Variants in CNTN6 observed in about 807,000 individuals in gnomAD.
CNTN6 encodes contactin-6.
Under a neutral mutation model 122.8 loss-of-function variants are expected in CNTN6, and 137 were observed. The observed-to-expected ratio is 1.12, with a 90% CI of 0.97 to 1.29. The LOEUF (loss-of-function observed/expected upper bound fraction) is 1.29. CNTN6 is among the 50% of genes most tolerant of loss of function. CNTN6 has a pLI of 0.00. For synonymous variants in CNTN6, 570 were observed against 426.0 expected (o/e 1.34, Z -4.16); for missense variants, 1,634 against 1,223.4 (o/e 1.34, Z -5.01).
At chr3:1,157,738 A>C (rs956628913) in intron 2 of CNTN6, among the ~76,000 whole-genome samples, 1 of 152,218 alleles carries the variant, frequency 6.6e-6, no homozygotes, top group African/African-American at 2.4e-5. Context: ...TCCCATAAGT[A>C]AGTGAGAACA....
At chr3:1,339,154 G>A (rs200387719) in intron 11 of CNTN6, among the ~76,000 whole-genome samples, 1 of 151,206 alleles carries the variant, frequency 6.6e-6, no homozygotes, top group East Asian at 2.0e-4. Context: ...TGAAATGTAT[G>A]CAAGAAAACC....
At position 1,326,478 on chromosome 3, in the gene CNTN6, A is replaced by G. The variant is rs148627855; in HGVS notation, c.1083+527A>G. On this transcript the variant is annotated intron_variant, in intron 9 of 22. Transcript: ENST00000446702. Reference sequence around the variant, plus strand: ...TATTTTGGTCTGATATCAGGACCCAATCTCTTAGTCACTACCCAGTATTTT... The same window carrying G: ...TATTTTGGTCTGATATCAGGACCCAGTCTCTTAGTCACTACCCAGTATTTT... Among the ~76,000 whole-genome samples, 392 of 151,914 alleles carry G rather than the reference A, an allele frequency of 2.6e-3. 7 individuals are homozygous for G. Among genetic ancestry groups the G allele is most frequent in the African/African-American group, 9.2e-3 (382 of 41,494 alleles).
intron 4 of CNTN6, among the ~76,000 whole-genome samples, chr3:1,269,798 T>C (rs2094991761): frequency 6.6e-6 from 1 of 150,994 alleles, no homozygotes; most frequent in Non-Finnish European, 1.5e-5. Context: ...TATTTTTTCA[T>C]AAAAAAAAAT....
At chr3:1,148,507 T>C (rs1282082735) in intron 2 of CNTN6, among the ~76,000 whole-genome samples, 2 of 152,086 alleles carry the variant, frequency 1.3e-5, no homozygotes, top group East Asian at 1.9e-4. Context: ...ATCAAAGCTA[T>C]ATTCATTTAG....
At chr3:1,151,931 A>G (rs532470354) in intron 2 of CNTN6, among the ~76,000 whole-genome samples, 1 of 152,342 alleles carries the variant, frequency 6.6e-6, no homozygotes, top group South Asian at 2.1e-4. Flanking sequence ...GGTTTAATAT[A>G]GACTAAGAAC....
At chr3:1,190,372 G>A (rs1010981793) in intron 2 of CNTN6, among the ~76,000 whole-genome samples, 2 of 152,292 alleles carry the variant, frequency 1.3e-5, no homozygotes, top group Non-Finnish European at 2.9e-5. Context: ...TATAACGTTA[G>A]TCACATGCAC....
intron 7 of CNTN6, among the ~76,000 whole-genome samples, chr3:1,320,187 A>AT (rs992635281): frequency 2.0e-5 from 3 of 151,690 alleles, no homozygotes; most frequent in African/African-American, 7.3e-5. Flanking sequence ...GATAATAATT[A>AT]TTTTTTACTT....
chr3:1,323,075 A>G (rs1311028775), intron 8 of CNTN6, among the ~76,000 whole-genome samples: 1 of 151,774 alleles, frequency 6.6e-6, no homozygotes, highest in African/African-American at 2.4e-5. Context: ...ACACAAAGGT[A>G]TCTGTAAACT....
At chr3:1,131,648 T>C (rs2092339282) in intron 1 of CNTN6, among the ~76,000 whole-genome samples, 1 of 152,138 alleles carries the variant, frequency 6.6e-6, no homozygotes, top group East Asian at 1.9e-4. Flanking sequence ...CCTCCAGGGA[T>C]AGAGCTGAGA....
intron 4 of CNTN6, among the ~76,000 whole-genome samples, chr3:1,235,160 T>C (rs2094405313): frequency 6.6e-6 from 1 of 152,168 alleles, no homozygotes; most frequent in Admixed American, 6.5e-5. Flanking sequence ...CTAGTCTTTT[T>C]AGTTCATTTG....
chr3:1,361,243 A>G (rs1478349246), intron 12 of CNTN6, among the ~76,000 whole-genome samples: 1 of 152,182 alleles, frequency 6.6e-6, no homozygotes, highest in Non-Finnish European at 1.5e-5. Context: ...CCAACTGTTG[A>G]TAAATGTTAA....
At chr3:1,238,108 G>A (rs954126799) in intron 4 of CNTN6, among the ~76,000 whole-genome samples, 3 of 151,960 alleles carry the variant, frequency 2.0e-5, no homozygotes, top group African/African-American at 2.4e-5. Context: ...CATAGAAAGT[G>A]AATGGCCTAA....
rs1041844545 is a variant in CNTN6 at position 1,124,706 on chromosome 3, A to G, written c.-82-23221A>G. The stretch of plus-strand genomic sequence containing the variant: ...ATTATTGAAATTTTTTTTAAGAGAA[A>G]GAACATCCCTTCCGCTTCTTCACTC... On this transcript the variant is annotated intron_variant, in intron 1 of 22. Transcript: ENST00000446702. Among the ~76,000 whole-genome samples, 66 of 151,998 alleles carry G rather than the reference A, an allele frequency of 4.3e-4. 1 individual carries two copies. The highest frequency in any genetic ancestry group is 1.3e-3 in the African/African-American group (55 of 41,510).
chr3:1,394,656 G>A (rs1694760519), intron 20 of CNTN6, among the ~76,000 whole-genome samples: 1 of 152,132 alleles, frequency 6.6e-6, no homozygotes, highest in Non-Finnish European at 1.5e-5. Flanking sequence ...CATTGTCCAT[G>A]AAACCTAAAT....
At chr3:1,237,405 A>G (rs2125590597) in intron 4 of CNTN6, among the ~76,000 whole-genome samples, 1 of 152,276 alleles carries the variant, frequency 6.6e-6, no homozygotes, top group South Asian at 2.1e-4. Flanking sequence ...AGACTACATT[A>G]AATACCCAAA....
intron 4 of CNTN6, among the ~76,000 whole-genome samples, chr3:1,253,855 C>T (rs916614673): frequency 6.6e-6 from 1 of 152,152 alleles, no homozygotes; most frequent in Non-Finnish European, 1.5e-5. Context: ...TGGTTGGGGA[C>T]TGCTGATCTA....
chr3:1,101,404 T>C (rs2090889360), intron 1 of CNTN6, among the ~76,000 whole-genome samples: 1 of 152,206 alleles, frequency 6.6e-6, no homozygotes, highest in Non-Finnish European at 1.5e-5. Context: ...TATACTTACA[T>C]AGCATTTACA....
chr3:1,314,777 AG>A (rs2125938582), intron 7 of CNTN6, among the ~76,000 whole-genome samples: 1 of 152,142 alleles, frequency 6.6e-6, no homozygotes, highest in East Asian at 1.9e-4. Flanking sequence ...AAAAGAAAAA[AG>A]AAAAACTTTG....
At chr3:1,256,855 A>T (rs1449003170) in intron 4 of CNTN6, among the ~76,000 whole-genome samples, 1 of 152,134 alleles carries the variant, frequency 6.6e-6, no homozygotes, top group Admixed American at 6.6e-5. Flanking sequence ...TCTATTATAT[A>T]CTTCTTTACT....
Sources: gnomAD v4.1 joint callset for allele counts (sites outside exome capture counted in the v4.1 genomes callset) on GRCh38, gnomAD v4.1.1 for gene constraint, MANE v1.5 for transcripts, NCBI Gene and HGNC (gene_info 2026-07-23, HGNC 2026-07-21) for gene names.